DLGAP1: variants seen among roughly 807,000 people sequenced by gnomAD.
The protein encoded by DLGAP1 is disks large-associated protein 1.
A neutral mutation model predicts 90.8 loss-of-function variants in DLGAP1; 11 were observed. That is an observed-to-expected ratio of 0.12 (90% confidence interval 0.08 to 0.20). DLGAP1 has a LOEUF of 0.20. Ranked by LOEUF, DLGAP1 falls within the 10% of genes least tolerant of loss-of-function variation. The pLI is 1.00. For missense variants in DLGAP1, 1,050 were observed against 1,333.8 expected (o/e 0.79, Z 3.31); for synonymous variants, 558 against 540.7 (o/e 1.03, Z -0.44).
At chr18:3,709,504 T>C (rs1266726886) in intron 7 of DLGAP1, among the ~76,000 whole-genome samples, 1 of 152,214 alleles carries the variant, frequency 6.6e-6, no homozygotes, top group Non-Finnish European at 1.5e-5. Flanking sequence ...TAATTGCACA[T>C]GTCCACTGTA....
At chr18:3,787,848 C>G (rs2065532558) in intron 5 of DLGAP1, among the ~76,000 whole-genome samples, 1 of 152,188 alleles carries the variant, frequency 6.6e-6, no homozygotes, top group Non-Finnish European at 1.5e-5. Flanking sequence ...CTGTCTCTTG[C>G]AAAACACAGG....
At chr18:3,913,730 T>G (rs1015944629) in intron 3 of DLGAP1, among the ~76,000 whole-genome samples, 3 of 152,234 alleles carry the variant, frequency 2.0e-5, no homozygotes, top group Non-Finnish European at 4.4e-5. Context: ...TTAGTTATCT[T>G]TCTATGTATG....
chr18:4,273,053 G>C lies in DLGAP1; in HGVS notation c.-266-121766C>G, dbSNP rs776873735. ...GAGAGGAAGGTCCTGCCAGCACCTT[G>C]ACTTTGAACTTCTAGCCTCTAGAAC... On this transcript the variant is annotated intron_variant, in intron 1 of 12. Transcript: ENST00000315677. Among the ~76,000 whole-genome samples, 95 of 152,246 alleles carry C rather than the reference G, an allele frequency of 6.2e-4. 1 individual carries two copies. The highest frequency in any genetic ancestry group is 1.0e-3 in the Non-Finnish European group (71 of 68,022).
intron 3 of DLGAP1, among the ~76,000 whole-genome samples, chr18:3,927,735 T>G (rs1020894254): frequency 6.6e-6 from 1 of 152,218 alleles, no homozygotes; most frequent in Admixed American, 6.5e-5. Flanking sequence ...TATGGTAAAC[T>G]GATGGAAATA....
chr18:3,631,767 T>TTAA (rs1555609018), intron 7 of DLGAP1, among the ~76,000 whole-genome samples: 2 of 151,806 alleles, frequency 1.3e-5, no homozygotes, highest in African/African-American at 4.9e-5. Flanking sequence ...ATAAATTAAA[T>TTAA]AAAATTCACA....
At chr18:3,963,307 C>T (rs1223145514) in intron 3 of DLGAP1, among the ~76,000 whole-genome samples, 1 of 152,116 alleles carries the variant, frequency 6.6e-6, no homozygotes, top group Non-Finnish European at 1.5e-5. Context: ...CTCTGCTTCT[C>T]ATAAATATAA....
intron 1 of DLGAP1, among the ~76,000 whole-genome samples, chr18:4,214,065 A>G (rs2077901256): frequency 6.6e-6 from 1 of 152,178 alleles, no homozygotes. Context: ...ACATGAGGTG[A>G]GGACAATGCT....
At chr18:3,996,047 C>G (rs537884154) in intron 3 of DLGAP1, among the ~76,000 whole-genome samples, 2 of 151,958 alleles carry the variant, frequency 1.3e-5, no homozygotes, top group South Asian at 4.2e-4. Context: ...AAGCCTAATT[C>G]AATACTTAAC....
In DLGAP1 at chr18:3,740,998, C is replaced by CACCACCA. The variant is rs2062899915; in HGVS notation, c.1350+1336_1350+1337insTGGTGGT. ...ACATCACCACCACCACCACCATCACCTCACCACCACCACCACCATCACCAC... is the reference window on the plus strand; with the variant it reads ...ACATCACCACCACCACCACCATCACCACCACCATCACCACCACCACCACCATCACCAC... On this transcript the variant is annotated intron_variant, in intron 6 of 12. Transcript: ENST00000315677. Among the ~76,000 whole-genome samples the CACCACCA allele has an allele frequency of 2.6e-5, 2 of 76,794 alleles. 1 individual carries two copies. The highest frequency in any genetic ancestry group is 1.2e-4 in the African/African-American group (2 of 16,026). The allele number at this position is 76,794 out of a possible 152,430, so 50.4% of individuals were successfully genotyped here.
intron 1 of DLGAP1, among the ~76,000 whole-genome samples, chr18:4,364,995 A>G (rs891511966): frequency 6.6e-6 from 1 of 152,122 alleles, no homozygotes. Flanking sequence ...TTGATTTCTC[A>G]TTTGATTGTG....
chr18:3,798,873 T>C (rs555265626), intron 5 of DLGAP1, among the ~76,000 whole-genome samples: 3 of 152,262 alleles, frequency 2.0e-5, no homozygotes, highest in South Asian at 2.1e-4. Context: ...AGACTTTTTT[T>C]TTTCTTTCTT....
chr18:4,401,453 T>C (rs935017883), intron 1 of DLGAP1, among the ~76,000 whole-genome samples: 18 of 152,202 alleles, frequency 1.2e-4, no homozygotes, highest in African/African-American at 4.3e-4. Flanking sequence ...AGAAAGTATT[T>C]TTTTTCCTTC....
chr18:3,650,156 G>T (rs1349804540), intron 7 of DLGAP1, among the ~76,000 whole-genome samples: 1 of 151,980 alleles, frequency 6.6e-6, no homozygotes, highest in Non-Finnish European at 1.5e-5. Context: ...CGATTCTCCC[G>T]CTCATCCTCC....
chr18:4,343,436 CTTAATA>C (rs1275426033), intron 1 of DLGAP1, among the ~76,000 whole-genome samples: 1 of 151,790 alleles, frequency 6.6e-6, no homozygotes, highest in African/African-American at 2.4e-5. Flanking sequence ...ATCCTGATTA[CTTAATA>C]TTTATTTTAT....
At chr18:3,706,000 G>C (rs1398829398) in intron 7 of DLGAP1, among the ~76,000 whole-genome samples, 2 of 66,440 alleles carry the variant, frequency 3.0e-5, no homozygotes, top group Non-Finnish European at 5.7e-5. Flanking sequence ...TTTTTTTTGA[G>C]ATGGAATCTC....
At chr18:3,703,816 C>T (rs2061353856) in intron 7 of DLGAP1, among the ~76,000 whole-genome samples, 1 of 152,174 alleles carries the variant, frequency 6.6e-6, no homozygotes, top group South Asian at 2.1e-4. Context: ...TATGAACACA[C>T]CTCAGCAGCC....
At chr18:3,999,513 T>A (rs921419125) in intron 3 of DLGAP1, among the ~76,000 whole-genome samples, 1 of 152,218 alleles carries the variant, frequency 6.6e-6, no homozygotes, top group Non-Finnish European at 1.5e-5. Context: ...TTTATTGCCT[T>A]ACATTTCTAC....
At chr18:3,741,055 C>T (rs1168516664) in intron 6 of DLGAP1, among the ~76,000 whole-genome samples, 9 of 126,106 alleles carry the variant, frequency 7.1e-5, no homozygotes, top group Admixed American at 5.3e-4. Context: ...ACCACCACCA[C>T]CATCACCACC....
chr18:4,266,978 T>TCAGTAAATGAGTAGTAAACATTAGTA (rs1555774732), intron 1 of DLGAP1, among the ~76,000 whole-genome samples: 1 of 152,240 alleles, frequency 6.6e-6, no homozygotes, highest in Non-Finnish European at 1.5e-5. Context: ...CTGAGTTTAC[T>TCAGTAAATGAGTAGTAAACATTAGTA]AATGTGCTCA....
Sources: allele counts gnomAD v4.1 joint callset (sites outside exome capture counted in the v4.1 genomes callset), GRCh38; gene constraint gnomAD v4.1.1; transcripts MANE v1.5; gene names NCBI Gene and HGNC (gene_info 2026-07-23, HGNC 2026-07-21).